The following SLC35D2 variants were observed in gnomAD, a reference collection of about 807,000 sequenced individuals.
SLC35D2 encodes solute carrier family 35 member D2, also known as nucleotide sugar transporter SLC35D2.
A neutral mutation model predicts 41.8 loss-of-function variants in SLC35D2; 43 were observed. The observed-to-expected ratio is 1.03, with a 90% CI of 0.81 to 1.33. SLC35D2 has a LOEUF of 1.33. Ranked by LOEUF, SLC35D2 falls within the 40% of genes most tolerant of loss-of-function variation. SLC35D2 has a pLI of 0.00. For missense variants in SLC35D2, 380 were observed against 408.4 expected (o/e 0.93, Z 0.60); for synonymous variants, 150 against 163.9 (o/e 0.92, Z 0.65).
chr9:96,341,129 A>C (rs1471722070), intron 8 of SLC35D2, among the ~76,000 whole-genome samples: 1 of 152,060 alleles, frequency 6.6e-6, no homozygotes, highest in Non-Finnish European at 1.5e-5. Context: ...TCTACTAAAA[A>C]TACAAAAATT....
downstream of SLC35D2, among the ~76,000 whole-genome samples, chr9:96,317,789 CGAG>C (rs1260258895): frequency 6.6e-6 from 1 of 150,708 alleles, no homozygotes; most frequent in Non-Finnish European, 1.5e-5. Flanking sequence ...TCTGGGAGGC[CGAG>C]GAGGGTGGAT....
intron 10 of SLC35D2, among the ~76,000 whole-genome samples, chr9:96,322,520 GAA>G (rs1195971883): frequency 6.6e-6 from 1 of 151,960 alleles, no homozygotes; most frequent in Non-Finnish European, 1.5e-5. Context: ...CCCTGCCTCA[GAA>G]AAATAAATAA....
At chr9:96,338,818 TAGTC>T (rs1401912791) in intron 8 of SLC35D2, among the ~76,000 whole-genome samples, 1 of 152,132 alleles carries the variant, frequency 6.6e-6, no homozygotes, top group Admixed American at 6.5e-5. Context: ...ATGCTTAAGG[TAGTC>T]AAAGACCAAA....
At chr9:96,347,621 C>A (rs1829637102) in intron 6 of SLC35D2, among the ~76,000 whole-genome samples, 1 of 152,066 alleles carries the variant, frequency 6.6e-6, no homozygotes, top group African/African-American at 2.4e-5. Context: ...TCAAGCAATC[C>A]CGTCACCTGG....
chr9:96,330,235 G>A (rs1828745674), intron 9 of SLC35D2, among the ~76,000 whole-genome samples: 3 of 152,212 alleles, frequency 2.0e-5, no homozygotes, highest in Non-Finnish European at 4.4e-5. Flanking sequence ...GCTGGTGCCT[G>A]CCAACCATGA....
intron 10 of SLC35D2, 138 bp from the exon 11 acceptor site, chr9:96,322,218 C>T: frequency 1.7e-6 from 1 of 602,934 alleles, no homozygotes; most frequent in Middle Eastern, 4.2e-4. Context: ...GGTGGTTGAA[C>T]AAAATAAAAA....
chr9:96,331,901 TC>T (rs1828828196), intron 9 of SLC35D2, among the ~76,000 whole-genome samples: 1 of 152,074 alleles, frequency 6.6e-6, no homozygotes, highest in Non-Finnish European at 1.5e-5. Flanking sequence ...CTTATAAGAA[TC>T]CAATGCCTGA....
At chr9:96,335,568 C>G (rs1829011157) in intron 9 of SLC35D2, among the ~76,000 whole-genome samples, 1 of 152,076 alleles carries the variant, frequency 6.6e-6, no homozygotes, top group Non-Finnish European at 1.5e-5. Flanking sequence ...CCATGTTGGC[C>G]AGGCTGGTCT....
At chr9:96,359,737 A>C (rs1478875823) in intron 4 of SLC35D2, among the ~76,000 whole-genome samples, 2 of 152,104 alleles carry the variant, frequency 1.3e-5, no homozygotes, top group Non-Finnish European at 2.9e-5. Context: ...TCAGAAGTTT[A>C]TAACACACAC....
In SLC35D2 at chr9:96,321,122, T is replaced by C; in HGVS notation, c.*120A>G. ...GGTAGTTCTCTTTGCATTTTGCAGA[T>C]GCTCTCACTTGCCCAGGGGGTGGAT... On this transcript the variant is annotated 3_prime_UTR_variant, in exon 12 of 12. Transcript: ENST00000253270. The C allele has an allele frequency of 2.9e-6, 2 of 691,240 alleles. No homozygotes were observed. 42.8% of individuals were successfully genotyped at this position (691,240 alleles called of 1,614,324 possible).
intron 4 of SLC35D2, among the ~76,000 whole-genome samples, chr9:96,352,332 T>G (rs926003563): frequency 1.3e-5 from 2 of 152,206 alleles, no homozygotes; most frequent in African/African-American, 4.8e-5. Flanking sequence ...ATTTATTTAT[T>G]TTTTTTGGAG....
chr9:96,374,730 C>G (rs1363457387), intron 1 of SLC35D2, among the ~76,000 whole-genome samples: 12 of 129,826 alleles, frequency 9.2e-5, no homozygotes, highest in African/African-American at 3.5e-4. Context: ...CCCAGCTACT[C>G]GGGAGGCTGA....
chr9:96,353,381 T>A (rs1422058188), intron 4 of SLC35D2, among the ~76,000 whole-genome samples: 2 of 128,924 alleles, frequency 1.6e-5, no homozygotes, highest in East Asian at 5.5e-4. Context: ...AGAGATAGAG[T>A]CTCACTCTGT....
chr9:96,383,304 T>C (rs1051853355), intron 1 of SLC35D2, among the ~76,000 whole-genome samples, 173 bp downstream of exon 1: 3 of 151,742 alleles, frequency 2.0e-5, no homozygotes, highest in African/African-American at 7.3e-5. Context: ...GTGGCCTGAG[T>C]GTAGAAAGCT....
At chr9:96,365,649 A>G (rs983307350) in intron 2 of SLC35D2, among the ~76,000 whole-genome samples, 12 of 152,284 alleles carry the variant, frequency 7.9e-5, no homozygotes, top group African/African-American at 2.9e-4. Flanking sequence ...GAAGACCAAC[A>G]AAGAGGAAAA....
At chr9:96,324,063 G>A (rs771199477) in intron 10 of SLC35D2, 28 bp downstream of exon 10, 3 of 1,586,200 alleles carry the variant, frequency 1.9e-6, no homozygotes, top group Non-Finnish European at 2.6e-6. Context: ...TGACTCAGTT[G>A]TTCCCTTCCA....
downstream of SLC35D2, among the ~76,000 whole-genome samples, chr9:96,316,101 G>A (rs1828046350): frequency 6.6e-6 from 1 of 152,200 alleles, no homozygotes; most frequent in Non-Finnish European, 1.5e-5. Context: ...AATGCTAAAT[G>A]TTGGTTAGAG....
chr9:96,362,285 A>T (rs1830308484), intron 3 of SLC35D2, among the ~76,000 whole-genome samples: 1 of 152,218 alleles, frequency 6.6e-6, no homozygotes, highest in East Asian at 1.9e-4. Flanking sequence ...AGGCGGGCAG[A>T]TCACCTGAGG....
At chr9:96,361,147 C>A (rs1018752101) in intron 3 of SLC35D2, among the ~76,000 whole-genome samples, 1 of 152,298 alleles carries the variant, frequency 6.6e-6, no homozygotes, top group South Asian at 2.1e-4. Context: ...CCATGAAGAA[C>A]AGTTCAACGA....
Sources: gnomAD v4.1 joint callset for allele counts (sites outside exome capture counted in the v4.1 genomes callset) on GRCh38, gnomAD v4.1.1 for gene constraint, MANE v1.5 for transcripts, NCBI Gene and HGNC (gene_info 2026-07-23, HGNC 2026-07-21) for gene names.